TMEM74: variants seen among roughly 807,000 people sequenced by gnomAD.
TMEM74 encodes transmembrane protein 74.
In TMEM74, 13 loss-of-function variants were observed where a neutral mutation model predicts 18.1. That is an observed-to-expected ratio of 0.72 (90% CI 0.47 to 1.14). The LOEUF is 1.14. Ranked by LOEUF, TMEM74 falls within the 50% of genes most tolerant of loss-of-function variation. The probability of loss-of-function intolerance (pLI) is 0.00; values close to 1 mark genes in which losing one functional copy is unlikely to be tolerated. For synonymous variants in TMEM74, 159 were observed against 146.6 expected (o/e 1.08, Z -0.61); for missense variants, 372 against 375.9 (o/e 0.99, Z 0.09).
intron 1 of TMEM74, among the ~76,000 whole-genome samples, chr8:108,668,878 T>C (rs925386138): frequency 3.9e-5 from 6 of 152,094 alleles, no homozygotes; most frequent in African/African-American, 1.4e-4. Context: ...TGTTTCTGCT[T>C]GGTCCTAAAG....
intron 1 of TMEM74, among the ~76,000 whole-genome samples, chr8:108,785,662 T>C: frequency 6.6e-6 from 1 of 152,186 alleles, no homozygotes; most frequent in East Asian, 1.9e-4. Flanking sequence ...CATCAGTGAA[T>C]GACTATACAC....
At chr8:108,708,189 C>T (rs1469461341) in intron 1 of TMEM74, among the ~76,000 whole-genome samples, 1 of 151,640 alleles carries the variant, frequency 6.6e-6, no homozygotes, top group Non-Finnish European at 1.5e-5. Context: ...ACTCATGTTG[C>T]TGCAAAGAAC....
chr8:108,726,545 T>C (rs1813640122), intron 1 of TMEM74, among the ~76,000 whole-genome samples: 1 of 152,204 alleles, frequency 6.6e-6, no homozygotes, highest in Admixed American at 6.5e-5. Flanking sequence ...CAAATGAGTT[T>C]GGTGATCAAA....
intron 1 of TMEM74, among the ~76,000 whole-genome samples, chr8:108,733,908 C>T (rs545175722): frequency 3.3e-5 from 5 of 152,182 alleles, no homozygotes; most frequent in East Asian, 1.9e-4. Flanking sequence ...CAAGCATCAT[C>T]GCATTTGTTC....
chr8:108,730,839 G>T (rs1813687134), intron 1 of TMEM74, among the ~76,000 whole-genome samples: 1 of 151,896 alleles, frequency 6.6e-6, no homozygotes, highest in Non-Finnish European at 1.5e-5. Flanking sequence ...CACCATGTTG[G>T]CCAGGATGGT....
At chr8:108,679,480 G>A (rs1357522031) in intron 1 of TMEM74, among the ~76,000 whole-genome samples, 1 of 152,150 alleles carries the variant, frequency 6.6e-6, no homozygotes, top group Non-Finnish European at 1.5e-5. Context: ...GTTTTGATTT[G>A]CATTTCCCTG....
chr8:108,611,962 C>G (rs1812338484), intron 2 of TMEM74, among the ~76,000 whole-genome samples: 1 of 152,136 alleles, frequency 6.6e-6, no homozygotes, highest in Non-Finnish European at 1.5e-5. Flanking sequence ...TCAAACACAT[C>G]CTTCTTCACA....
chr8:108,704,992 T>G (rs1399109539), intron 1 of TMEM74, among the ~76,000 whole-genome samples: 2 of 152,192 alleles, frequency 1.3e-5, no homozygotes, highest in Non-Finnish European at 2.9e-5. Context: ...GATATAAACA[T>G]CCGATATAAT....
Position 108,784,955 on chromosome 8 carries a change from G to A in TMEM74, c.144C>T (p.Ser48=). 1 of 1,614,128 alleles carries A rather than the reference G, an allele frequency of 6.2e-7. No homozygotes were observed. The highest frequency in any genetic ancestry group is 8.5e-7 in the Non-Finnish European group (1 of 1,180,026). ...CTTCCATCTCGGTTGCTCTTGGGGTGGATGCACACTGTTTCTGACAGCAGA... is the reference window on the plus strand; with the variant it reads ...CTTCCATCTCGGTTGCTCTTGGGGTAGATGCACACTGTTTCTGACAGCAGA... The part of the protein sequence containing the change: ...AALCCQKQCA[S]TPRATEMEGS... Residue 48 remains serine, a synonymous_variant, in exon 2 of 2, where the codon TCC becomes TCT. Transcript: ENST00000297459.
At chr8:108,739,960 G>A (rs917488077) in intron 1 of TMEM74, among the ~76,000 whole-genome samples, 20 of 152,124 alleles carry the variant, frequency 1.3e-4, no homozygotes, top group East Asian at 1.9e-4. Flanking sequence ...AGCTCTGGGA[G>A]CCCACACTAT....
chr8:108,646,222 A>T (rs959666049), intron 2 of TMEM74, among the ~76,000 whole-genome samples: 4 of 152,068 alleles, frequency 2.6e-5, no homozygotes, highest in African/African-American at 9.7e-5. Flanking sequence ...ACACTTTAGG[A>T]CAAGTGACAT....
chr8:108,618,239 A>G (rs895216782), intron 2 of TMEM74, among the ~76,000 whole-genome samples: 3 of 152,144 alleles, frequency 2.0e-5, no homozygotes, highest in Non-Finnish European at 4.4e-5. Flanking sequence ...TATGGAATGG[A>G]TTCTAGTGCT....
At chr8:108,653,043 A>G in intron 2 of TMEM74, 1 of 177,500 alleles carries the variant, frequency 5.6e-6, no homozygotes, top group Non-Finnish European at 1.2e-5. Flanking sequence ...TGTTGATGTA[A>G]ACGAAGTTTG....
At chr8:108,756,580 GAAA>G (rs1813962934) in intron 1 of TMEM74, among the ~76,000 whole-genome samples, 1 of 111,660 alleles carries the variant, frequency 9.0e-6, no homozygotes, top group Non-Finnish European at 1.8e-5. Flanking sequence ...AAGAAAGAAA[GAAA>G]GAAAGAAAGA....
chr8:108,646,615 TTGTTGTTAAAC>T (rs1222728045), intron 2 of TMEM74, among the ~76,000 whole-genome samples: 2 of 152,196 alleles, frequency 1.3e-5, no homozygotes, highest in Non-Finnish European at 2.9e-5. Flanking sequence ...TTTGTTGTTA[TTGTTGTTAAAC>T]TGTGATCTGT....
intron 1 of TMEM74, among the ~76,000 whole-genome samples, chr8:108,717,942 G>GTTTTTTTTTTTTTTTT (rs869263977): frequency 2.2e-5 from 1 of 45,924 alleles, no homozygotes; most frequent in Non-Finnish European, 3.5e-5. Context: ...TCTGACTTAG[G>GTTTTTTTTTTTTTTTT]TTTTTTTTTT....
intron 1 of TMEM74, among the ~76,000 whole-genome samples, chr8:108,729,518 G>T (rs1359855486): frequency 2.0e-5 from 3 of 152,160 alleles, no homozygotes; most frequent in African/African-American, 7.2e-5. Context: ...ATTAGGGCAA[G>T]GATATCTTTG....
intron 1 of TMEM74, among the ~76,000 whole-genome samples, chr8:108,689,082 G>A (rs571605579): frequency 6.6e-6 from 1 of 152,288 alleles, no homozygotes; most frequent in South Asian, 2.1e-4. Flanking sequence ...TCATTACAAA[G>A]TCACTTAAGT....
chr8:108,703,018 T>C (rs1274666600), intron 1 of TMEM74, among the ~76,000 whole-genome samples: 1 of 152,076 alleles, frequency 6.6e-6, no homozygotes, highest in Non-Finnish European at 1.5e-5. Context: ...GAGAGTTGAT[T>C]CTAGACCTTG....
Sources: allele counts gnomAD v4.1 joint callset (sites outside exome capture counted in the v4.1 genomes callset), GRCh38; gene constraint gnomAD v4.1.1; transcripts MANE v1.5; gene names NCBI Gene and HGNC (gene_info 2026-07-23, HGNC 2026-07-21).